ME1: variants seen among roughly 807,000 people sequenced by gnomAD.
ME1 encodes the protein malic enzyme 1.
In ME1, 74 loss-of-function variants were observed where a neutral mutation model predicts 66.4. That is an observed-to-expected ratio of 1.11 (90% confidence interval 0.92 to 1.35). ME1 has a LOEUF of 1.35. Among genes scored for constraint, ME1 ranks in the 40% most tolerant of loss-of-function variants. The pLI is 0.00. For missense variants in ME1, 750 were observed against 694.1 expected, an observed-to-expected ratio of 1.08 and a Z score of -0.90; for synonymous variants, 251 against 235.6, an observed-to-expected ratio of 1.07 and a Z score of -0.60.
At chr6:83,220,034 GT>G (rs1790061597) in intron 12 of ME1, among the ~76,000 whole-genome samples, 1 of 152,100 alleles carries the variant, frequency 6.6e-6, no homozygotes, top group African/African-American at 2.4e-5. Context: ...TCAACTTCAA[GT>G]TTTTTCAACT....
At chr6:83,324,536 A>G (rs987248624) in intron 5 of ME1, among the ~76,000 whole-genome samples, 18 of 152,002 alleles carry the variant, frequency 1.2e-4, no homozygotes, top group African/African-American at 4.3e-4. Flanking sequence ...ACAAACTACC[A>G]TCAGAGAATA....
At chr6:83,281,840 AGAAAACAAAAAAG>A (rs1767298902) in intron 6 of ME1, among the ~76,000 whole-genome samples, 1 of 139,656 alleles carries the variant, frequency 7.2e-6, no homozygotes, top group Non-Finnish European at 1.6e-5. Context: ...AAAAAAGAAA[AGAAAACAAAAAAG>A]AGAAAAAAAA....
At position 83,228,853 on chromosome 6, in the gene ME1, G is replaced by C. The variant is rs1321321119; in HGVS notation, c.1105C>G (p.Gln369Glu). 3.7e-6 allele frequency: 6 copies of C among 1,612,266 alleles called. No homozygotes were observed. In the Admixed American group the frequency reaches 5.0e-5, roughly 14 times the overall value. ...ATGAGGGCAGTTGGTTTTATTTCTTGAACAATGGCTTCTAGGTTCTTCATT... is the reference window on the plus strand; with the variant it reads ...ATGAGGGCAGTTGGTTTTATTTCTTCAACAATGGCTTCTAGGTTCTTCATT... Reference protein sequence around the residue: ...EEMKNLEAIVQEIKPTALIGV... With the variant: ...EEMKNLEAIVEEIKPTALIGV... The change falls in exon 10 of 14, where the codon CAA (glutamine) becomes GAA (glutamate). Residue 369 changes from glutamine to glutamate, a missense_variant. Physicochemically the swap from Gln to Glu is conservative, Grantham distance 29 (BLOSUM62 2). Coordinates refer to ENST00000369705, the MANE Select transcript of ME1 (RefSeq NM_002395.6).
intron 6 of ME1, among the ~76,000 whole-genome samples, chr6:83,284,027 G>A (rs957628904): frequency 5.9e-5 from 9 of 152,004 alleles, no homozygotes; most frequent in Non-Finnish European, 1.2e-4. Context: ...AACCAAATAC[G>A]CACAATCAAA....
chr6:83,329,809 T>C (rs185729897), intron 5 of ME1, among the ~76,000 whole-genome samples: 33 of 152,312 alleles, frequency 2.2e-4, no homozygotes, highest in Admixed American at 1.8e-3. Context: ...TGTTCTCTTT[T>C]TTTATGTCTT....
chr6:83,389,740 A>G (rs985470413), intron 3 of ME1, among the ~76,000 whole-genome samples: 4 of 152,160 alleles, frequency 2.6e-5, no homozygotes, highest in Non-Finnish European at 5.9e-5. Context: ...CACAAAATAC[A>G]GGTAACTTAA....
intron 12 of ME1, among the ~76,000 whole-genome samples, chr6:83,219,879 C>T (rs1272687883): frequency 6.6e-6 from 1 of 151,886 alleles, no homozygotes; most frequent in Non-Finnish European, 1.5e-5. Context: ...TGAGCCACTG[C>T]ATCTGGCCAG....
At chr6:83,287,407 G>A (rs925763049) in intron 6 of ME1, among the ~76,000 whole-genome samples, 2 of 152,116 alleles carry the variant, frequency 1.3e-5, no homozygotes, top group African/African-American at 4.8e-5. Context: ...TGCGGTGTTT[G>A]GTTTTCTGAT....
intron 2 of ME1, among the ~76,000 whole-genome samples, chr6:83,404,667 T>C (rs1769904505): frequency 6.6e-6 from 1 of 152,232 alleles, no homozygotes; most frequent in African/African-American, 2.4e-5. Context: ...TTAATCCATC[T>C]TGAGTTAATT....
chr6:83,372,209 A>G (rs564970894), intron 3 of ME1, among the ~76,000 whole-genome samples: 131 of 152,248 alleles, frequency 8.6e-4, no homozygotes, highest in African/African-American at 3.1e-3. Context: ...AATTTCAGAC[A>G]GCCTCTGTAA....
At chr6:83,333,318 A>T (rs1446925043) in intron 5 of ME1, among the ~76,000 whole-genome samples, 2 of 152,190 alleles carry the variant, frequency 1.3e-5, no homozygotes, top group Non-Finnish European at 1.5e-5. Context: ...TTTTGACTAA[A>T]ATCAGTTTTC....
At chr6:83,353,736 T>C (rs1046424176) in intron 3 of ME1, among the ~76,000 whole-genome samples, 1 of 152,222 alleles carries the variant, frequency 6.6e-6, no homozygotes, top group African/African-American at 2.4e-5. Flanking sequence ...CCTTTTGACA[T>C]GTCTATAGTA....
intron 3 of ME1, among the ~76,000 whole-genome samples, chr6:83,373,972 G>A (rs934445536): frequency 1.3e-5 from 2 of 152,148 alleles, no homozygotes; most frequent in African/African-American, 4.8e-5. Context: ...CTATTCCATG[G>A]TGTAATATGT....
chr6:83,329,967 G>A (rs1046197191), intron 5 of ME1, among the ~76,000 whole-genome samples: 2 of 152,048 alleles, frequency 1.3e-5, no homozygotes, highest in African/African-American at 4.8e-5. Context: ...TAGGACTACA[G>A]GCACCATACC....
intron 7 of ME1, among the ~76,000 whole-genome samples, chr6:83,243,693 ATAT>A (rs1790555785): frequency 7.7e-6 from 1 of 130,170 alleles, no homozygotes; most frequent in Admixed American, 8.7e-5. Context: ...TATTATAATT[ATAT>A]TATATTGATC....
intron 8 of ME1, 32 bp from the exon 9 acceptor site, chr6:83,237,862 G>T (rs1292811181): frequency 2.5e-6 from 3 of 1,198,394 alleles, no homozygotes; most frequent in Non-Finnish European, 2.4e-6. Context: ...TTTTAAAGTT[G>T]TTCTACATGA....
chr6:83,221,832 AG>A (rs1291238722), intron 12 of ME1, among the ~76,000 whole-genome samples: 4 of 152,214 alleles, frequency 2.6e-5, no homozygotes, highest in Non-Finnish European at 5.9e-5. Flanking sequence ...AAAGGAGACA[AG>A]GAAAATAATG....
At chr6:83,357,725 AG>A (rs913448256) in intron 3 of ME1, among the ~76,000 whole-genome samples, 9 of 151,492 alleles carry the variant, frequency 5.9e-5, no homozygotes, top group African/African-American at 2.2e-4. Context: ...GTGAAAAGAG[AG>A]GCTTGCCTAG....
intron 3 of ME1, among the ~76,000 whole-genome samples, chr6:83,367,986 C>T (rs1018088219): frequency 6.6e-6 from 1 of 152,044 alleles, no homozygotes; most frequent in Admixed American, 6.6e-5. Flanking sequence ...GTGACTCTTC[C>T]TTTCACCTGA....
Sources: allele counts gnomAD v4.1 joint callset (sites outside exome capture counted in the v4.1 genomes callset), GRCh38; gene constraint gnomAD v4.1.1; transcripts MANE v1.5; gene names NCBI Gene and HGNC (gene_info 2026-07-23, HGNC 2026-07-21).